CHCHD3: variants seen among roughly 807,000 people sequenced by gnomAD.
CHCHD3 encodes coiled-coil-helix-coiled-coil-helix domain containing 3, also known as MICOS complex subunit MIC19.
Under a neutral mutation model 38.2 loss-of-function variants are expected in CHCHD3, and 20 were observed. That is an observed-to-expected ratio of 0.52 (90% CI 0.37 to 0.76). CHCHD3 has a LOEUF of 0.76. CHCHD3 is among the 30% of genes least tolerant of loss of function. The probability of loss-of-function intolerance (pLI) is 0.00; values close to 1 mark genes in which losing one functional copy is unlikely to be tolerated. For synonymous variants in CHCHD3, 82 were observed against 100.0 expected, an observed-to-expected ratio of 0.82 and a Z score of 1.07; for missense variants, 245 against 279.2, an observed-to-expected ratio of 0.88 and a Z score of 0.87.
intron 2 of CHCHD3, among the ~76,000 whole-genome samples, chr7:133,027,387 AAG>A (rs1562941608): frequency 1.7e-5 from 1 of 59,352 alleles, no homozygotes; most frequent in Non-Finnish European, 4.1e-5. Flanking sequence ...GAGAGAGAGA[AAG>A]AGAGAGAGAG....
chr7:132,816,829 A>G (rs1378456344), intron 6 of CHCHD3, among the ~76,000 whole-genome samples: 1 of 152,158 alleles, frequency 6.6e-6, no homozygotes, highest in Non-Finnish European at 1.5e-5. Flanking sequence ...GTATTTTTTC[A>G]TTCTATTGCT....
chr7:132,877,208 G>A (rs547029381), intron 5 of CHCHD3, among the ~76,000 whole-genome samples: 1 of 152,216 alleles, frequency 6.6e-6, no homozygotes, highest in East Asian at 1.9e-4. Context: ...AGCCAGATTT[G>A]AAAAGCAGCT....
intron 4 of CHCHD3, among the ~76,000 whole-genome samples, chr7:132,950,691 T>C (rs543712183): frequency 6.6e-6 from 1 of 152,306 alleles, no homozygotes; most frequent in African/African-American, 2.4e-5. Context: ...TTAACTATTT[T>C]AGAAAGCCTG....
rs778568947 is a variant in CHCHD3 at position 132,788,482 on chromosome 7, A to G, written c.661-2822T>C. 1.1e-4 allele frequency among the ~76,000 whole-genome samples: 17 copies of G among 152,182 alleles called. No homozygotes were observed. Among genetic ancestry groups the G allele is most frequent in the Non-Finnish European group, 1.5e-4 (10 of 68,022 alleles). ...TTGCAAAATAACCTGCAGCTGCCAC[A>G]ACTTAAGGAAAGCAACAGTTAAAGA... On this transcript the variant is annotated intron_variant, in intron 7 of 7. Coordinates refer to ENST00000262570, the MANE Select transcript of CHCHD3 (RefSeq NM_017812.4). The surrounding 1 kb of genome is among the most constrained non-coding windows in gnomAD (Gnocchi z 4.0).
chr7:133,056,023 T>C (rs980675276), intron 2 of CHCHD3, among the ~76,000 whole-genome samples: 2 of 151,918 alleles, frequency 1.3e-5, no homozygotes, highest in African/African-American at 4.8e-5. Flanking sequence ...TGGCACACAC[T>C]TGTAACCCAA....
intron 4 of CHCHD3, among the ~76,000 whole-genome samples, chr7:132,892,432 A>C (rs1328734079): frequency 6.6e-6 from 1 of 152,234 alleles, no homozygotes; most frequent in Non-Finnish European, 1.5e-5. Flanking sequence ...TTAAAAGGGA[A>C]GCAGGGCATA....
At chr7:132,824,420 G>A (rs376508300) in intron 6 of CHCHD3, among the ~76,000 whole-genome samples, 86 of 147,504 alleles carry the variant, frequency 5.8e-4, no homozygotes, top group African/African-American at 1.8e-3. Context: ...CTGGGTTCAC[G>A]CCATTCTCCT....
chr7:132,927,432 G>A (rs1304051599), intron 4 of CHCHD3, among the ~76,000 whole-genome samples: 1 of 152,188 alleles, frequency 6.6e-6, no homozygotes. Context: ...TAAATGCAGG[G>A]ACAGCAGGTA....
At chr7:132,884,071 CT>C (rs915668707) in intron 5 of CHCHD3, among the ~76,000 whole-genome samples, 2 of 152,152 alleles carry the variant, frequency 1.3e-5, no homozygotes, top group African/African-American at 4.8e-5. Context: ...CCAGTCATCC[CT>C]TTTCCGAATT....
At chr7:132,954,240 A>G (rs1811104076) in intron 4 of CHCHD3, among the ~76,000 whole-genome samples, 1 of 152,236 alleles carries the variant, frequency 6.6e-6, no homozygotes, top group South Asian at 2.1e-4. Context: ...ATTCTGCTCC[A>G]TCTTGTGTCC....
At chr7:133,008,009 A>T (rs1412126412) in intron 3 of CHCHD3, among the ~76,000 whole-genome samples, 1 of 152,146 alleles carries the variant, frequency 6.6e-6, no homozygotes. Context: ...ATACCTCTTA[A>T]TATCTGTTAT....
In CHCHD3 at chr7:132,885,688, C is replaced by T. The variant is rs780572296; in HGVS notation, c.427G>A (p.Glu143Lys). Residue 143 changes from glutamate to lysine, a missense_variant, in exon 5 of 8, where the codon GAA (glutamate) becomes AAA (lysine). By Grantham distance (56) the Glu-to-Lys change is moderately conservative. Coordinates refer to ENST00000262570, the MANE Select transcript of CHCHD3 (RefSeq NM_017812.4). ...CTCTCCTCCAGTCTAGCCAGCTGTT[C>T]TTTGTAGAATGCATCCTGCTTCTTT... ...VLKKQDAFYK[E>K]QLARLEERSS... 1 of 1,608,266 alleles carries T rather than the reference C, an allele frequency of 6.2e-7. No homozygotes were observed. Among genetic ancestry groups the T allele is most frequent in the Admixed American group, 1.7e-5 (1 of 59,334 alleles).
chr7:133,011,394 A>G (rs1044097846), intron 3 of CHCHD3, among the ~76,000 whole-genome samples: 3 of 152,250 alleles, frequency 2.0e-5, no homozygotes, highest in Non-Finnish European at 2.9e-5. Flanking sequence ...ACTTTGTAAT[A>G]CTACAAATGA....
intron 6 of CHCHD3, among the ~76,000 whole-genome samples, chr7:132,809,125 ATTT>A (rs35514520): frequency 7.6e-6 from 1 of 131,500 alleles, no homozygotes; most frequent in Non-Finnish European, 1.6e-5. Flanking sequence ...AATTTTTGTG[ATTT>A]TTTTTTTTTT....
intron 3 of CHCHD3, among the ~76,000 whole-genome samples, chr7:132,992,262 C>T (rs1047003004): frequency 2.0e-5 from 3 of 152,346 alleles, no homozygotes; most frequent in South Asian, 4.1e-4. Flanking sequence ...CTTGCAAAAT[C>T]AGCCTCAGTG....
intron 2 of CHCHD3, among the ~76,000 whole-genome samples, chr7:133,026,424 G>A (rs1258265262): frequency 6.6e-6 from 1 of 152,110 alleles, no homozygotes; most frequent in African/African-American, 2.4e-5. Flanking sequence ...CATTGCTTGT[G>A]GGAATGCAAA....
chr7:132,870,820 T>C (rs1407035469), intron 5 of CHCHD3, among the ~76,000 whole-genome samples: 3 of 152,088 alleles, frequency 2.0e-5, no homozygotes, highest in Non-Finnish European at 4.4e-5. Context: ...AGTGCCACCA[T>C]TCCCTTTCCC....
At chr7:132,971,703 G>A (rs1811617106) in intron 4 of CHCHD3, among the ~76,000 whole-genome samples, 1 of 148,276 alleles carries the variant, frequency 6.7e-6, no homozygotes, top group South Asian at 2.1e-4. Context: ...TTTCACCCTC[G>A]CTCTCCTGAA....
intron 3 of CHCHD3, among the ~76,000 whole-genome samples, chr7:133,013,185 C>CAA (rs778964079): frequency 1.4e-3 from 26 of 18,400 alleles, no homozygotes; most frequent in Non-Finnish European, 1.5e-3. Flanking sequence ...GACTCCGCCT[C>CAA]AAAAAAAAAA....
Sources: gnomAD v4.1 joint callset for allele counts (sites outside exome capture counted in the v4.1 genomes callset) on GRCh38, gnomAD v4.1.1 for gene constraint, Gnocchi (gnomAD v3.1) non-coding constraint, MANE v1.5 for transcripts, NCBI Gene and HGNC (gene_info 2026-07-23, HGNC 2026-07-21) for gene names.